CFAP73: variants seen among roughly 807,000 people sequenced by gnomAD.
CFAP73 encodes the protein cilia and flagella associated protein 73, also known as cilia- and flagella-associated protein 73.
CFAP73 carries 33 observed loss-of-function variants against 42.9 expected under a neutral mutation model. The observed-to-expected ratio is 0.77, with a 90% CI of 0.58 to 1.03. The LOEUF (loss-of-function observed/expected upper bound fraction) is 1.03. Ranked by LOEUF, CFAP73 falls within the 50% of genes least tolerant of loss-of-function variation. The pLI is 0.00. For synonymous variants in CFAP73, 162 were observed against 186.8 expected (o/e 0.87, Z 1.08); for missense variants, 392 against 411.9 (o/e 0.95, Z 0.42).
Position 113,155,296 on chromosome 12 carries a change from G to A in CFAP73, c.727G>A (p.Glu243Lys), listed in dbSNP as rs746172113. Reference sequence around the variant, plus strand: ...GATTCAGATTCAGAACACAGCAGCGGAGAAGACTCTGCTCCTGGGACGCAG... The same window carrying A: ...GATTCAGATTCAGAACACAGCAGCGAAGAAGACTCTGCTCCTGGGACGCAG... ...KWIQIQNTAA[E>K]KTLLLGRSRM... Residue 243 changes from glutamate (E) to lysine (K), a missense_variant, in exon 6 of 8, where the codon GAG becomes AAG. Physicochemically the swap from Glu to Lys is moderately conservative, Grantham distance 56 (BLOSUM62 1). Coordinates refer to ENST00000335621, the MANE Select transcript of CFAP73 (RefSeq NM_001144872.3). The A allele has an allele frequency of 1.3e-6, 2 of 1,550,030 alleles. No individual in the cohort carries two copies. Among genetic ancestry groups the A allele is most frequent in the South Asian group, 2.4e-5 (2 of 83,930 alleles).
At chr12:113,150,517 A>G (rs1952052422) in intron 1 of CFAP73, among the ~76,000 whole-genome samples, 4 of 138,682 alleles carry the variant, frequency 2.9e-5, no homozygotes, top group East Asian at 2.7e-4. Context: ...CTGCAGCCTC[A>G]TCCTTCCGGC....
intron 1 of CFAP73, among the ~76,000 whole-genome samples, chr12:113,150,573 A>G (rs1201764258): frequency 2.6e-5 from 4 of 151,288 alleles, no homozygotes; most frequent in African/African-American, 9.7e-5. Context: ...TCCCCACTCC[A>G]TCAGTTCTGC....
chr12:113,157,555 A>AC, intron 6 of CFAP73, 47 bp from the exon 7 acceptor site: 1 of 1,510,964 alleles, frequency 6.6e-7, no homozygotes, highest in Non-Finnish European at 9.0e-7. Context: ...TGGGGGCTGG[A>AC]CAGTGACTCT....
intron 2 of CFAP73, among the ~76,000 whole-genome samples, chr12:113,152,560 C>T (rs746162542): frequency 3.6e-4 from 55 of 152,288 alleles, no homozygotes; most frequent in Non-Finnish European, 6.8e-4. Context: ...TATGGGAGGG[C>T]AGAGGGTAAG....
intron 6 of CFAP73, among the ~76,000 whole-genome samples, chr12:113,155,904 T>G (rs1217820111): frequency 6.6e-6 from 1 of 151,412 alleles, no homozygotes; most frequent in Non-Finnish European, 1.5e-5. Context: ...TAGGCTGAGT[T>G]GTGTGGTGTA....
chr12:113,157,987 ACT>A (rs1952154918), intron 7 of CFAP73: 1 of 413,406 alleles, frequency 2.4e-6, no homozygotes, highest in Non-Finnish European at 4.5e-6. Context: ...ATGAAAAAAA[ACT>A]CTTTGTCAGG....
At chr12:113,151,608 T>C (rs902945315) in intron 1 of CFAP73, among the ~76,000 whole-genome samples, 11 of 151,852 alleles carry the variant, frequency 7.2e-5, no homozygotes, top group Non-Finnish European at 1.5e-4. Context: ...GCCTGGGCAA[T>C]AAAACAAGAC....
intron 3 of CFAP73, 131 bp downstream of exon 3, chr12:113,153,018 C>T (rs563157370): frequency 1.4e-5 from 11 of 811,822 alleles, no homozygotes; most frequent in African/African-American, 1.0e-4. Context: ...GAAACACACA[C>T]GCACTGCCTG....
At position 113,153,160 on chromosome 12, in the gene CFAP73, C is replaced by T. The variant is rs778646344; in HGVS notation, c.268-48C>T. The T allele has an allele frequency of 1.9e-5, 27 of 1,428,502 alleles. No individual in the cohort carries two copies. The East Asian group carries it at 4.4e-4, about 23-fold the overall frequency. The allele number at this position is 1,428,502 out of a possible 1,614,324, so 88.5% of individuals were successfully genotyped here. ...CAGGATGGAGGTGCCGAACTCCCCG[C>T]CAGCTCCTGAGTCCTGAAGGTCGTC... is the stretch of plus-strand genomic sequence containing the variant. On this transcript the variant is annotated intron_variant, in intron 3 of 7. Transcript: ENST00000335621.
At chr12:113,156,411 C>G (rs1952127727) in intron 6 of CFAP73, among the ~76,000 whole-genome samples, 1 of 151,756 alleles carries the variant, frequency 6.6e-6, no homozygotes, top group African/African-American at 2.4e-5. Context: ...GAGCTCGGCT[C>G]TTAAGACACG....
intron 1 of CFAP73, among the ~76,000 whole-genome samples, chr12:113,151,437 C>T (rs185641723): frequency 3.9e-5 from 6 of 152,168 alleles, no homozygotes; most frequent in South Asian, 2.1e-4. Flanking sequence ...GAGCCAAGAT[C>T]GTGCCACTGC....
At chr12:113,155,520 A>G in intron 6 of CFAP73, 102 bp downstream of exon 6, 3 of 1,278,250 alleles carry the variant, frequency 2.3e-6, no homozygotes, top group Non-Finnish European at 3.2e-6. Flanking sequence ...TGGGTTAAGC[A>G]TGGCCCTCTA....
chr12:113,154,549 T>C lies in CFAP73; in HGVS notation c.604T>C (p.Trp202Arg), dbSNP rs1375644687. 1.4e-6 allele frequency: 2 copies of C among 1,471,592 alleles called. No homozygotes were observed. Among genetic ancestry groups the C allele is most frequent in the Non-Finnish European group, 1.8e-6 (2 of 1,121,432 alleles). The allele number at this position is 1,471,592 out of a possible 1,614,324, so 91.2% of individuals were successfully genotyped here. A position where few individuals can be genotyped will look rare whatever the true frequency, so the allele number is the denominator to read the frequency against. Residue 202 changes from tryptophan to arginine, a missense_variant, in exon 5 of 8, where the codon TGG becomes CGG. By Grantham distance (101) the Trp-to-Arg change is moderately radical. Transcript: ENST00000335621. This position sits in a 1 kb window ranked among gnomAD's most constrained non-coding sequence, Gnocchi z 4.7. ...RARLQQLRDA[W>R]PDEVLAQGQR... ...GCGGCTGCAGCAGCTGCGGGACGCC[T>C]GGCCGGACGAGGTGCTCGCACAGGG...
In CFAP73 at chr12:113,154,954, C is replaced by T. The variant is rs1194035306; in HGVS notation, c.691-306C>T. 6.6e-6 allele frequency among the ~76,000 whole-genome samples: 1 copy of T among 152,152 alleles called. No individual in the cohort carries two copies. Among genetic ancestry groups the T allele is most frequent in the Non-Finnish European group, 1.5e-5 (1 of 68,024 alleles). On this transcript the variant is annotated intron_variant, in intron 5 of 7. Transcript: ENST00000335621. The surrounding 1 kb of genome is among the most constrained non-coding windows in gnomAD (Gnocchi z 4.7). Reference sequence around the variant, plus strand: ...GGAGGCCGAAAGGGGCGGATCACCTCAGGTCATGAGTTCGAGACCAGCCTG... The same window carrying T: ...GGAGGCCGAAAGGGGCGGATCACCTTAGGTCATGAGTTCGAGACCAGCCTG...
rs1952066911 is a variant in CFAP73 at position 113,152,034 on chromosome 12, A to G, written c.162+11A>G. 6.5e-7 allele frequency: 1 copy of G among 1,541,878 alleles called. No individual in the cohort carries two copies. On this transcript the variant is annotated intron_variant, in intron 2 of 7. Coordinates refer to ENST00000335621, the MANE Select transcript of CFAP73 (RefSeq NM_001144872.3). ...CAGGCCCAGAAGGAGGTGAGCCCCCACTACTGTAACGAGGTGGTGAGCTGG... is the reference window on the plus strand; with the variant it reads ...CAGGCCCAGAAGGAGGTGAGCCCCCGCTACTGTAACGAGGTGGTGAGCTGG...
chr12:113,153,998 A>G (rs1289169807), intron 4 of CFAP73, among the ~76,000 whole-genome samples: 1 of 151,542 alleles, frequency 6.6e-6, no homozygotes, highest in Non-Finnish European at 1.5e-5. Context: ...TCAGAAAGCT[A>G]ACTCTGGCCG....
chr12:113,157,690 GGT>G lies in CFAP73; in HGVS notation c.*11+2_*11+3del. On this transcript the variant is annotated splice_donor_variant, in intron 7 of 7. Transcript: ENST00000335621. LOFTEE classifies it low-confidence loss of function (3UTR_SPLICE). ...GCCCCTGCCTCCTAGCCCTGACACAGGTGAGCAGCGGGAGAGGGAACCCCTGA... is the reference window on the plus strand; with the variant it reads ...GCCCCTGCCTCCTAGCCCTGACACAGGAGCAGCGGGAGAGGGAACCCCTGA... 6.4e-7 allele frequency: 1 copy of G among 1,550,566 alleles called. No individual in the cohort carries two copies. The highest frequency in any genetic ancestry group is 8.7e-7 in the Non-Finnish European group (1 of 1,146,302).
chr12:113,153,060 G>A (rs1373770623), intron 3 of CFAP73, 148 bp from the exon 4 acceptor site: 7 of 925,282 alleles, frequency 7.6e-6, no homozygotes, highest in South Asian at 1.8e-5. Flanking sequence ...AAAAGCGGGC[G>A]GGGGAGTTGG....
In CFAP73 at chr12:113,152,789, C is replaced by T. The variant is rs377463846; in HGVS notation, c.169C>T (p.Arg57Cys). Residue 57 changes from arginine (R) to cysteine (C), a missense_variant, in exon 3 of 8, where the codon CGC becomes TGC. By Grantham distance (180) the Arg-to-Cys change is radical (BLOSUM62 -3). Coordinates refer to ENST00000335621, the MANE Select transcript of CFAP73 (RefSeq NM_001144872.3). The stretch of plus-strand genomic sequence containing the variant: ...ACCCACTCCTCACCCCCAGGTGTTC[C>T]GCACCAAGACGGCAGCCCTGAAACA... ...QALQAQKEVFRTKTAALKQRW... is the reference protein window; with the variant it reads ...QALQAQKEVFCTKTAALKQRW... The T allele has an allele frequency of 1.3e-6, 2 of 1,551,412 alleles. No homozygotes were observed. Among genetic ancestry groups the T allele is most frequent in the Non-Finnish European group, 1.7e-6 (2 of 1,146,796 alleles).
Sources: allele counts gnomAD v4.1 joint callset (sites outside exome capture counted in the v4.1 genomes callset), GRCh38; gene constraint gnomAD v4.1.1; non-coding constraint Gnocchi (gnomAD v3.1); transcripts MANE v1.5; gene names NCBI Gene and HGNC (gene_info 2026-07-23, HGNC 2026-07-21).